The following DPF2 variants were observed in gnomAD, a reference collection of about 807,000 sequenced individuals.
DPF2 encodes the protein double PHD fingers 2.
Under a neutral mutation model 59.6 loss-of-function variants are expected in DPF2, and 10 were observed. The observed-to-expected ratio is 0.17, with a 90% confidence interval of 0.10 to 0.28. The LOEUF (loss-of-function observed/expected upper bound fraction) is 0.28. DPF2 is among the 10% of genes least tolerant of loss of function. The pLI is 1.00. For missense variants in DPF2, 315 were observed against 509.4 expected (o/e 0.62, Z 3.67); for synonymous variants, 189 against 190.6 (o/e 0.99, Z 0.07).
chr11:65,337,445 T>A (rs1490819251), intron 1 of DPF2, among the ~76,000 whole-genome samples: 2 of 80,310 alleles, frequency 2.5e-5, no homozygotes, highest in African/African-American at 5.5e-5. Context: ...AAAGCAAGAC[T>A]CTATCTCAAA....
Position 65,340,555 on chromosome 11 carries a change from C to G in DPF2, c.193+10C>G, listed in dbSNP as rs1464503124. 1 of 1,613,822 alleles carries G rather than the reference C, an allele frequency of 6.2e-7. No individual in the cohort carries two copies. The highest frequency in any genetic ancestry group is 8.5e-7 in the Non-Finnish European group (1 of 1,179,810). On this transcript the variant is annotated intron_variant, in intron 2 of 10. Coordinates refer to ENST00000528416, the MANE Select transcript of DPF2 (RefSeq NM_006268.5). Reference sequence around the variant, plus strand: ...CGACACCGGGGTCCAGGTGAGGGTCCAGACTTGGGAGAAGGGGACTCAGGA... The same window carrying G: ...CGACACCGGGGTCCAGGTGAGGGTCGAGACTTGGGAGAAGGGGACTCAGGA...
intron 4 of DPF2, among the ~76,000 whole-genome samples, chr11:65,342,498 A>G (rs556299553): frequency 6.6e-6 from 1 of 152,320 alleles, no homozygotes; most frequent in East Asian, 1.9e-4. Flanking sequence ...TTTTATCACA[A>G]AAGTTTGTGT....
At position 65,337,498 on chromosome 11, in the gene DPF2, TATATATAG is replaced by T. The variant is rs1230255470; in HGVS notation, c.33-2885_33-2878del. Among the ~76,000 whole-genome samples, 317 of 48,008 alleles carry T rather than the reference TATATATAG, an allele frequency of 6.6e-3. 1 individual carries two copies. The highest frequency in any genetic ancestry group is 7.6e-3 in the African/African-American group (90 of 11,830). The allele number at this position is 48,008 out of a possible 152,430, so 31.5% of individuals were successfully genotyped here. ...AAATATATATATATATATATATATA[TATATATAG>T]AGAGAGAGAGAGAGAGAGAGAGAGA... On this transcript the variant is annotated intron_variant, in intron 1 of 10. Transcript: ENST00000528416.
chr11:65,341,287 G>T, intron 3 of DPF2, 112 bp from the exon 4 acceptor site: 4 of 1,480,602 alleles, frequency 2.7e-6, no homozygotes, highest in Non-Finnish European at 3.7e-6. Context: ...TCCTGGGCGT[G>T]CAGAGAACAA....
In DPF2 at chr11:65,351,743, A is replaced by C; in HGVS notation, c.1160A>C (p.Asn387Thr). ...LLKEKASIYQ[N>T]QNSS The stretch of plus-strand genomic sequence containing the variant: ...AAAGAGAAAGCTTCCATCTACCAGA[A>C]CCAGAACTCCTCTTGATGTGGCCAC... Residue 387 changes from asparagine (N) to threonine (T), a missense_variant, in exon 11 of 11, where the codon AAC (asparagine) becomes ACC (threonine). Physicochemically the swap from Asn to Thr is moderately conservative, Grantham distance 65 (BLOSUM62 0). Transcript: ENST00000528416. 1.2e-6 allele frequency: 2 copies of C among 1,613,368 alleles called. No individual in the cohort carries two copies. Among genetic ancestry groups the C allele is most frequent in the Non-Finnish European group, 1.7e-6 (2 of 1,180,036 alleles).
chr11:65,336,611 G>A (rs892650496), intron 1 of DPF2, among the ~76,000 whole-genome samples: 3 of 151,326 alleles, frequency 2.0e-5, no homozygotes, highest in African/African-American at 4.9e-5. Flanking sequence ...CCAACATGGC[G>A]AAACCCCACT....
chr11:65,340,756 T>C (rs1321824717), intron 2 of DPF2, among the ~76,000 whole-genome samples: 2 of 152,174 alleles, frequency 1.3e-5, no homozygotes, highest in Non-Finnish European at 2.9e-5. Flanking sequence ...CCATTGTGTG[T>C]CTGGAGAACT....
chr11:65,343,299 CAAAAAAAA>C (rs529933254), intron 4 of DPF2, among the ~76,000 whole-genome samples: 5 of 58,024 alleles, frequency 8.6e-5, no homozygotes, highest in African/African-American at 3.3e-4. Flanking sequence ...AACTCTGTCT[CAAAAAAAA>C]AAAAAAAAAA....
At chr11:65,349,655 C>T (rs775512517) in intron 10 of DPF2, among the ~76,000 whole-genome samples, 4 of 152,078 alleles carry the variant, frequency 2.6e-5, no homozygotes, top group Non-Finnish European at 5.9e-5. Flanking sequence ...AATTAGCCGG[C>T]TGTGGTGGCG....
At position 65,350,374 on chromosome 11, in the gene DPF2, CT is replaced by C. The variant is rs529951680; in HGVS notation, c.1100-1291del. 8.7e-3 allele frequency among the ~76,000 whole-genome samples: 1,118 copies of C among 128,750 alleles called. 5 individuals are homozygous for C. Among genetic ancestry groups the C allele is most frequent in the East Asian group, 0.025 (113 of 4,592 alleles). 84.5% of individuals were successfully genotyped at this position (128,750 alleles called of 152,430 possible). A position where few individuals can be genotyped will look rare whatever the true frequency, so the allele number is the denominator to read the frequency against. ...TTTCTCTTTTTCTTTTTCTTTCTTT[CT>C]TTTTTTTTTTTTTTTTTGAGACAGT... On this transcript the variant is annotated intron_variant, in intron 10 of 10. Transcript: ENST00000528416.
chr11:65,337,492 TATATATATATATAGAGAGAGAG>T (rs1191517643), intron 1 of DPF2, among the ~76,000 whole-genome samples: 4 of 67,404 alleles, frequency 5.9e-5, no homozygotes, highest in East Asian at 4.0e-4. Context: ...TATATATATA[TATATATATATATAGAGAGAGAG>T]AGAGAGAGAG....
chr11:65,345,424 G>A, intron 6 of DPF2: 1 of 537,516 alleles, frequency 1.9e-6, no homozygotes, highest in Non-Finnish European at 3.3e-6. Context: ...ACATGGAAGA[G>A]CAGTGGTGGC....
At chr11:65,346,140 AGCC>A in intron 8 of DPF2, 82 bp downstream of exon 8, 1 of 1,599,302 alleles carries the variant, frequency 6.3e-7, no homozygotes, top group South Asian at 1.1e-5. Context: ...TGTCATAACC[AGCC>A]CACCTCGCTT....
rs1222022725 is a variant in DPF2, at chr11:65,345,729, C to A, written c.701C>A (p.Ala234Asp). ...TACCACTATGCCCACTCCCACTTGG[C>A]TGAGGAGGAGGGCGAGGACAAGGAA... is the stretch of plus-strand genomic sequence containing the variant. ...LSYHYAHSHLAEEEGEDKEDS... is the reference protein window; with the variant it reads ...LSYHYAHSHLDEEEGEDKEDS... Residue 234 changes from alanine to aspartate, a missense_variant, in exon 7 of 11, where the codon GCT becomes GAT. This residue lies in a region of DPF2 where 58 missense variants were observed against 84.6 expected (regional missense o/e 0.69). Coordinates refer to ENST00000528416, the MANE Select transcript of DPF2 (RefSeq NM_006268.5). 2 of 1,614,034 alleles carry A rather than the reference C, an allele frequency of 1.2e-6. No homozygotes were observed. Among genetic ancestry groups the A allele is most frequent in the South Asian group, 1.1e-5 (1 of 91,088 alleles).
chr11:65,337,498 T>A (rs1298074163), intron 1 of DPF2, among the ~76,000 whole-genome samples: 5 of 48,028 alleles, frequency 1.0e-4, no homozygotes, highest in African/African-American at 1.7e-4. Context: ...TATATATATA[T>A]ATATATAGAG....
rs1854352553 is a variant in DPF2, at chr11:65,341,006, C to G, written c.234C>G (p.Arg78=). The G allele has an allele frequency of 1.2e-6, 2 of 1,614,134 alleles. No homozygotes were observed. The highest frequency in any genetic ancestry group is 3.3e-5 in the Admixed American group (2 of 60,008). Residue 78 remains arginine, a synonymous_variant, in exon 3 of 11, where the codon CGC becomes CGG. Coordinates refer to ENST00000528416, the MANE Select transcript of DPF2 (RefSeq NM_006268.5). ...SGQLYSYPAR[R]WRKKRRAHPP... ...AGCTGTACTCCTACCCTGCCCGGCGCTGGCGGAAAAAGCGGCGAGCCCATC... is the reference window on the plus strand; with the variant it reads ...AGCTGTACTCCTACCCTGCCCGGCGGTGGCGGAAAAAGCGGCGAGCCCATC...
chr11:65,352,114 G>A lies in DPF2; in HGVS notation c.*355G>A, dbSNP rs1590941245. 3.8e-6 allele frequency: 1 copy of A among 260,366 alleles called. No individual in the cohort carries two copies. Among genetic ancestry groups the A allele is most frequent in the East Asian group, 8.9e-5 (1 of 11,184 alleles). The allele number at this position is 260,366 out of a possible 1,614,324, so 16.1% of individuals were successfully genotyped here. On this transcript the variant is annotated 3_prime_UTR_variant, in exon 11 of 11. Transcript: ENST00000528416. ...GAGTGGGAGAGCAGCTCACTTCTCT[G>A]TGTTCTGCCTCCCCTCTGGTCTCCA...
At position 65,345,905 on chromosome 11, in the gene DPF2, T is replaced by C. The variant is rs766928686; in HGVS notation, c.776-25T>C. 5.6e-6 allele frequency: 9 copies of C among 1,613,814 alleles called. No homozygotes were observed. The East Asian group carries it at 2.0e-4, about 36-fold the overall frequency. ...AGTGGCTCAGGGACCCCCATGGGTG[T>C]CATCAAAACTCTTTCTCTCTGTAGC... On this transcript the variant is annotated intron_variant, in intron 7 of 10. Transcript: ENST00000528416.
At position 65,351,735 on chromosome 11, in the gene DPF2, C is replaced by G. The variant is rs1316930022; in HGVS notation, c.1152C>G (p.Ile384Met). The G allele has an allele frequency of 6.2e-7, 1 of 1,613,576 alleles. No homozygotes were observed. Among genetic ancestry groups the G allele is most frequent in the South Asian group, 1.1e-5 (1 of 91,054 alleles). ...CLDLLKEKAS[I>M]YQNQNSS ...ACCTGTTGAAAGAGAAAGCTTCCATCTACCAGAACCAGAACTCCTCTTGAT... is the reference window on the plus strand; with the variant it reads ...ACCTGTTGAAAGAGAAAGCTTCCATGTACCAGAACCAGAACTCCTCTTGAT... Residue 384 changes from isoleucine to methionine, a missense_variant, in exon 11 of 11, where the codon ATC becomes ATG. Physicochemically the swap from Ile to Met is conservative, Grantham distance 10 (BLOSUM62 1). This residue lies in a region of DPF2 where 27 missense variants were observed against 125.8 expected (regional missense o/e 0.21). Coordinates refer to ENST00000528416, the MANE Select transcript of DPF2 (RefSeq NM_006268.5).
Sources: gnomAD v4.1 joint callset for allele counts (sites outside exome capture counted in the v4.1 genomes callset) on GRCh38, gnomAD v4.1.1 for gene constraint, gnomAD v4.1.1 regional missense constraint, MANE v1.5 for transcripts, NCBI Gene and HGNC (gene_info 2026-07-23, HGNC 2026-07-21) for gene names.